The following CCDC30 variants were observed in gnomAD, a reference collection of about 807,000 sequenced individuals.
The protein encoded by CCDC30 is coiled-coil domain containing 30.
Under a neutral mutation model 100.2 loss-of-function variants are expected in CCDC30, and 70 were observed. The ratio of observed to expected loss-of-function variants is 0.70; its 90% confidence interval spans 0.58 to 0.85. The LOEUF (loss-of-function observed/expected upper bound fraction) is 0.85. CCDC30 is among the 40% of genes least tolerant of loss of function. The pLI is 0.00. For missense variants in CCDC30, 652 were observed against 771.2 expected, an observed-to-expected ratio of 0.85 and a Z score of 1.83; for synonymous variants, 233 against 269.5, an observed-to-expected ratio of 0.86 and a Z score of 1.33.
intron 4 of CCDC30, chr1:42,492,035 G>T (rs2148467806): frequency 1.9e-6 from 1 of 518,022 alleles, no homozygotes; most frequent in Non-Finnish European, 3.5e-6. Flanking sequence ...AACTTCCAGG[G>T]CATGGATTTA....
intron 1 of CCDC30, among the ~76,000 whole-genome samples, chr1:42,470,075 A>G (rs1643718302): frequency 6.6e-6 from 1 of 152,178 alleles, no homozygotes; most frequent in East Asian, 1.9e-4. Flanking sequence ...TGAGATTTGC[A>G]AGGAAGGTGG....
chr1:42,596,015 A>G lies in CCDC30; in HGVS notation c.1164+6532A>G, dbSNP rs1024163548. On this transcript the variant is annotated intron_variant, in intron 10 of 16. Transcript: ENST00000668663. This position sits in a 1 kb window ranked among gnomAD's most constrained non-coding sequence, Gnocchi z 4.3. ...GTCACTGTGTCCTGACAACAAGTGAAATGCCAAACAAACTGAAAAATCAAC... is the reference window on the plus strand; with the variant it reads ...GTCACTGTGTCCTGACAACAAGTGAGATGCCAAACAAACTGAAAAATCAAC... Among the ~76,000 whole-genome samples, 2 of 152,214 alleles carry G rather than the reference A, an allele frequency of 1.3e-5. No individual in the cohort carries two copies. Among genetic ancestry groups the G allele is most frequent in the Non-Finnish European group, 2.9e-5 (2 of 68,030 alleles).
chr1:42,498,906 A>G (rs1644266928), exon 6 of CCDC30: 2 of 1,232,514 alleles, frequency 1.6e-6, no homozygotes, highest in Admixed American at 8.4e-5. Flanking sequence ...GGTGGTGAAC[A>G]GAGAGAACAG....
intron 6 of CCDC30, among the ~76,000 whole-genome samples, chr1:42,520,566 G>A (rs777738332): frequency 3.3e-5 from 5 of 149,400 alleles, no homozygotes; most frequent in Non-Finnish European, 7.4e-5. Context: ...TCCTGACCTC[G>A]TGATCTGCCC....
intron 6 of CCDC30, among the ~76,000 whole-genome samples, chr1:42,543,367 G>A (rs573992594): frequency 1.5e-4 from 22 of 149,852 alleles, no homozygotes; most frequent in Non-Finnish European, 2.5e-4. Context: ...TCTCACTCAC[G>A]CTGGAGTGCT....
At chr1:42,653,789 A>T in intron 16 of CCDC30, 29 bp from the exon 21 acceptor site, 1 of 1,550,824 alleles carries the variant, frequency 6.4e-7, no homozygotes, top group Non-Finnish European at 8.9e-7. Context: ...CTCTATGTAC[A>T]TGATGTCCTC....
At chr1:42,459,739 A>G, upstream of CCDC30, 1 of 1,614,220 alleles carries the variant, frequency 6.2e-7, no homozygotes, top group Middle Eastern at 1.7e-4. Context: ...TTGGAAATTT[A>G]TCAGCATCAA....
intron 6 of CCDC30, among the ~76,000 whole-genome samples, chr1:42,548,711 G>T (rs1157066108): frequency 6.6e-6 from 1 of 152,132 alleles, no homozygotes; most frequent in Non-Finnish European, 1.5e-5. Context: ...GAGAGAAGGA[G>T]ATGGAAGAAG....
intron 6 of CCDC30, chr1:42,500,270 G>A: frequency 1.2e-6 from 2 of 1,610,514 alleles, no homozygotes; most frequent in Non-Finnish European, 1.7e-6. Context: ...TTTTTCTCTT[G>A]CGTCTCTGTC....
exon 6 of CCDC30, chr1:42,498,829 T>G (rs2148476307): frequency 8.1e-7 from 1 of 1,233,152 alleles, no homozygotes; most frequent in Non-Finnish European, 1.0e-6. Flanking sequence ...TTGAAAGACT[T>G]AAAGGAGAGG....
intron 6 of CCDC30, among the ~76,000 whole-genome samples, chr1:42,546,385 CAA>C (rs1159008864): frequency 3.8e-3 from 19 of 5,008 alleles, no homozygotes; most frequent in African/African-American, 0.011. Flanking sequence ...AATTCTGTCT[CAA>C]AAAAAAAAAA....
At chr1:42,555,877 A>T (rs529436104) in intron 6 of CCDC30, among the ~76,000 whole-genome samples, 2 of 152,192 alleles carry the variant, frequency 1.3e-5, no homozygotes, top group South Asian at 4.2e-4. Context: ...TTTAGTAGAG[A>T]CGGGGTTTCA....
chr1:42,490,996 C>G (rs1644130811), intron 4 of CCDC30, among the ~76,000 whole-genome samples: 1 of 152,086 alleles, frequency 6.6e-6, no homozygotes, highest in Non-Finnish European at 1.5e-5. Context: ...AAAATGCTAC[C>G]AGTTATCAAT....
intron 6 of CCDC30, among the ~76,000 whole-genome samples, chr1:42,533,003 C>T (rs923694638): frequency 6.6e-6 from 1 of 152,072 alleles, no homozygotes. Flanking sequence ...GTGATCCACC[C>T]GCCTCGGCCT....
At chr1:42,636,354 C>G (rs1330578928) in intron 11 of CCDC30, among the ~76,000 whole-genome samples, 1 of 151,924 alleles carries the variant, frequency 6.6e-6, no homozygotes, top group African/African-American at 2.4e-5. Context: ...TGTAGTGAGC[C>G]ATGATTGTAC....
chr1:42,579,082 C>T (rs1369427646), intron 8 of CCDC30, among the ~76,000 whole-genome samples: 1 of 152,002 alleles, frequency 6.6e-6, no homozygotes, highest in Non-Finnish European at 1.5e-5. Flanking sequence ...CCTCTGCCTC[C>T]CAGATTCAAG....
At chr1:42,459,108 A>T (rs1250588209), upstream of CCDC30, 1 of 147,066 alleles carries the variant, frequency 6.8e-6, no homozygotes, top group Non-Finnish European at 1.5e-5. Flanking sequence ...CAGAATATGT[A>T]TGGAGCCTTG....
At chr1:42,550,767 G>A (rs1416207311) in intron 6 of CCDC30, among the ~76,000 whole-genome samples, 2 of 152,192 alleles carry the variant, frequency 1.3e-5, no homozygotes, top group Non-Finnish European at 1.5e-5. Flanking sequence ...TAGGCTATGT[G>A]AGGGCACAGA....
At chr1:42,573,429 T>C (rs1246234550) in intron 7 of CCDC30, among the ~76,000 whole-genome samples, 1 of 152,156 alleles carries the variant, frequency 6.6e-6, no homozygotes, top group African/African-American at 2.4e-5. Context: ...TCCCAATATA[T>C]AGAAAATATA....
Sources: gnomAD v4.1 joint callset for allele counts (sites outside exome capture counted in the v4.1 genomes callset) on GRCh38, gnomAD v4.1.1 for gene constraint, Gnocchi (gnomAD v3.1) non-coding constraint, MANE v1.5 for transcripts, NCBI Gene and HGNC (gene_info 2026-07-23, HGNC 2026-07-21) for gene names.